PCCB: variants seen among roughly 807,000 people sequenced by gnomAD.
PCCB encodes the protein propionyl-CoA carboxylase beta chain, mitochondrial.
A neutral mutation model predicts 60.7 loss-of-function variants in PCCB; 43 were observed. That is an observed-to-expected ratio of 0.71 (90% confidence interval 0.55 to 0.91). The LOEUF (loss-of-function observed/expected upper bound fraction) is 0.91. PCCB is among the 40% of genes least tolerant of loss of function. The pLI is 0.00. For synonymous variants in PCCB, 276 were observed against 255.9 expected (o/e 1.08, Z -0.75); for missense variants, 766 against 702.8 (o/e 1.09, Z -1.02).
chr3:136,291,947 G>T (rs900708871), intron 6 of PCCB, among the ~76,000 whole-genome samples: 2 of 152,176 alleles, frequency 1.3e-5, no homozygotes, highest in African/African-American at 4.8e-5. Context: ...TCCATGCTGG[G>T]CCTCCAGCAA....
At chr3:136,318,931 A>T (rs767366250) in intron 10 of PCCB, among the ~76,000 whole-genome samples, 12 of 152,206 alleles carry the variant, frequency 7.9e-5, no homozygotes, top group Non-Finnish European at 1.6e-4. Context: ...GTGTGTACCC[A>T]GAAGCAAAAT....
chr3:136,277,670 C>T (rs1483179143), intron 5 of PCCB, among the ~76,000 whole-genome samples: 1 of 152,134 alleles, frequency 6.6e-6, no homozygotes, highest in Non-Finnish European at 1.5e-5. Context: ...GCCTCTACTG[C>T]ACAGAAGAGA....
chr3:136,275,039 T>G (rs1294658513), intron 5 of PCCB, among the ~76,000 whole-genome samples: 1 of 152,148 alleles, frequency 6.6e-6, no homozygotes, highest in Admixed American at 6.6e-5. Context: ...TCTCAAAGTC[T>G]GGGCTCAAGC....
intron 5 of PCCB, among the ~76,000 whole-genome samples, chr3:136,267,272 G>C (rs1183719363): frequency 6.6e-6 from 1 of 152,174 alleles, no homozygotes; most frequent in Admixed American, 6.5e-5. Flanking sequence ...CTGCAGCCTT[G>C]AACTCTGGGC....
intron 5 of PCCB, among the ~76,000 whole-genome samples, chr3:136,277,097 C>T (rs765573572): frequency 1.3e-5 from 2 of 152,170 alleles, no homozygotes; most frequent in African/African-American, 4.8e-5. Context: ...TATACCAACA[C>T]TAGTGCTGAT....
chr3:136,276,775 G>C (rs1164235377), intron 5 of PCCB, among the ~76,000 whole-genome samples: 1 of 152,202 alleles, frequency 6.6e-6, no homozygotes, highest in Non-Finnish European at 1.5e-5. Context: ...CTGATTGTTG[G>C]GGTAGAGCTG....
At chr3:136,278,111 C>G (rs1394856179) in intron 5 of PCCB, among the ~76,000 whole-genome samples, 1 of 152,176 alleles carries the variant, frequency 6.6e-6, no homozygotes, top group Non-Finnish European at 1.5e-5. Flanking sequence ...TTGGTCTGCA[C>G]TGGAGACTGG....
At chr3:136,311,977 G>C (rs1934686549) in intron 9 of PCCB, among the ~76,000 whole-genome samples, 1 of 152,144 alleles carries the variant, frequency 6.6e-6, no homozygotes, top group South Asian at 2.1e-4. Flanking sequence ...AAAAATAAAA[G>C]TGCAAGAATA....
chr3:136,267,438 G>T lies in PCCB; in HGVS notation c.543+5373G>T, dbSNP rs1294848367. ...TTGAACTCCTGGTCTCAAGCGATCT[G>T]CCTCGGCATCCCGAAGTGCAGGGAT... On this transcript the variant is annotated intron_variant, in intron 5 of 14. Coordinates refer to ENST00000251654, the MANE Select transcript of PCCB (RefSeq NM_000532.5). Among the ~76,000 whole-genome samples, 3 of 152,084 alleles carry T rather than the reference G, an allele frequency of 2.0e-5. 1 individual carries two copies. The highest frequency in any genetic ancestry group is 2.0e-4 in the Admixed American group (3 of 15,270).
chr3:136,295,818 C>T (rs1933906058), intron 7 of PCCB, among the ~76,000 whole-genome samples: 1 of 151,444 alleles, frequency 6.6e-6, no homozygotes, highest in South Asian at 2.1e-4. Flanking sequence ...TATGGACATA[C>T]TCTTATGTAA....
rs200406126 is a variant in PCCB, at chr3:136,327,623, A to G, written c.1300-11A>G. 18 of 1,597,252 alleles carry G rather than the reference A, an allele frequency of 1.1e-5. No individual in the cohort carries two copies. In the East Asian group the frequency reaches 4.0e-4, roughly 36 times the overall value. On this transcript the variant is annotated splice_polypyrimidine_tract_variant and intron_variant, in intron 12 of 14. Coordinates refer to ENST00000251654, the MANE Select transcript of PCCB (RefSeq NM_000532.5). ...TCAGGCTCTAACACTCAGCATTTGG[A>G]TCTGTTTTAGGCCTATGGAGGTGCC...
intron 7 of PCCB, among the ~76,000 whole-genome samples, chr3:136,295,218 T>C (rs1489510132): frequency 2.0e-5 from 3 of 152,248 alleles, no homozygotes; most frequent in Non-Finnish European, 1.5e-5. Flanking sequence ...GCATGCCTGA[T>C]TTATGCACCT....
chr3:136,250,638 G>A, intron 1 of PCCB, 80 bp downstream of exon 1: 1 of 1,411,640 alleles, frequency 7.1e-7, no homozygotes, highest in South Asian at 1.4e-5. Flanking sequence ...CGGCGTCCGA[G>A]GCCTCCCTGC....
intron 12 of PCCB, 114 bp downstream of exon 12, chr3:136,327,369 T>A: frequency 2.5e-6 from 2 of 815,062 alleles, no homozygotes; most frequent in South Asian, 2.9e-5. Flanking sequence ...TGCTCATCCT[T>A]AAAAAGATCT....
chr3:136,262,674 G>A (rs1941858644), intron 5 of PCCB, among the ~76,000 whole-genome samples: 1 of 152,200 alleles, frequency 6.6e-6, no homozygotes, highest in African/African-American at 2.4e-5. Flanking sequence ...GGATGAGGGA[G>A]AGAGATACTG....
rs138754896 is a variant in PCCB, at chr3:136,275,632, G to A, written c.544-8205G>A. On this transcript the variant is annotated intron_variant, in intron 5 of 14. Coordinates refer to ENST00000251654, the MANE Select transcript of PCCB (RefSeq NM_000532.5). ...TAAGTTTCTTTTTCCTCTTCACTAA[G>A]GATGTGACTTTAGTGTTTATAGTTT... Among the ~76,000 whole-genome samples, 235 of 151,920 alleles carry A rather than the reference G, an allele frequency of 1.5e-3. 4 individuals carry two copies. Among genetic ancestry groups the A allele is most frequent in the Admixed American group, 0.013 (191 of 15,264 alleles).
In PCCB at chr3:136,261,984, A is replaced by C; in HGVS notation, c.462A>C (p.Pro154=). The change falls in exon 5 of 15, where the codon CCA becomes CCC. Residue 154 remains proline (P), a synonymous_variant. Transcript: ENST00000251654. ...ACCAGGCCATAACGGTGGGGGCTCC[A>C]GTGATTGGGCTGAATGACTCTGGGG... ...IMDQAITVGA[P]VIGLNDSGGA... 6.4e-7 allele frequency: 1 copy of C among 1,561,374 alleles called. No individual in the cohort carries two copies. Among genetic ancestry groups the C allele is most frequent in the Non-Finnish European group, 8.7e-7 (1 of 1,151,528 alleles).
chr3:136,251,635 G>C (rs1941519663), intron 1 of PCCB, among the ~76,000 whole-genome samples: 1 of 151,986 alleles, frequency 6.6e-6, no homozygotes, highest in Non-Finnish European at 1.5e-5. Context: ...CTCTCCCCTG[G>C]GGCTACTTCT....
chr3:136,323,512 G>T (rs1935181051), intron 10 of PCCB, among the ~76,000 whole-genome samples: 1 of 152,140 alleles, frequency 6.6e-6, no homozygotes, highest in African/African-American at 2.4e-5. Context: ...GGCTGGGCAT[G>T]GTGGCTCCTG....
Sources: allele counts gnomAD v4.1 joint callset (sites outside exome capture counted in the v4.1 genomes callset), GRCh38; gene constraint gnomAD v4.1.1; transcripts MANE v1.5; gene names NCBI Gene and HGNC (gene_info 2026-07-23, HGNC 2026-07-21).